The following DEK variants were observed in gnomAD, a reference collection of about 807,000 sequenced individuals.
DEK encodes the protein protein DEK.
Under a neutral mutation model 46.8 loss-of-function variants are expected in DEK, and 28 were observed. The observed-to-expected ratio is 0.60, with a 90% CI of 0.44 to 0.82. The LOEUF is 0.82. DEK is among the 40% of genes least tolerant of loss of function. DEK has a pLI of 0.00. For synonymous variants in DEK, 160 were observed against 144.5 expected, an observed-to-expected ratio of 1.11 and a Z score of -0.77; for missense variants, 416 against 430.6, an observed-to-expected ratio of 0.97 and a Z score of 0.30.
At chr6:18,243,388 T>C (rs1482791716) in intron 7 of DEK, among the ~76,000 whole-genome samples, 4 of 151,608 alleles carry the variant, frequency 2.6e-5, no homozygotes, top group Non-Finnish European at 5.9e-5. Context: ...TTTGAATGAG[T>C]GAGAATAATG....
At chr6:18,252,917 T>C (rs1791450761) in intron 6 of DEK, among the ~76,000 whole-genome samples, 1 of 152,238 alleles carries the variant, frequency 6.6e-6, no homozygotes, top group African/African-American at 2.4e-5. Flanking sequence ...CTTAATAATG[T>C]CCTTGATAAA....
At chr6:18,263,726 A>C in intron 2 of DEK, 117 bp downstream of exon 2, 11 of 1,589,442 alleles carry the variant, frequency 6.9e-6, no homozygotes, top group Non-Finnish European at 9.4e-6. Context: ...CTCGCTGAAA[A>C]TCACTCCGAC....
At chr6:18,244,589 A>G in intron 7 of DEK, 2 of 1,288,688 alleles carry the variant, frequency 1.6e-6, no homozygotes, top group South Asian at 2.5e-5. Flanking sequence ...CTGTCCTCAC[A>G]GCAGAAAGGT....
chr6:18,255,958 T>A, intron 5 of DEK, 107 bp from the exon 6 acceptor site: 1 of 1,301,844 alleles, frequency 7.7e-7, no homozygotes, highest in Non-Finnish European at 1.0e-6. Flanking sequence ...TACATACATT[T>A]AAAAAAGTGG....
intron 7 of DEK, among the ~76,000 whole-genome samples, chr6:18,240,244 T>C (rs1443412641): frequency 1.3e-5 from 2 of 152,188 alleles, no homozygotes; most frequent in Admixed American, 1.3e-4. Context: ...CAAAACCACA[T>C]CTTTCTACAT....
intron 7 of DEK, 35 bp from the exon 8 acceptor site, chr6:18,237,551 T>C (rs779699199): frequency 6.3e-7 from 1 of 1,582,972 alleles, no homozygotes. Flanking sequence ...CACATATTGA[T>C]GAGATTCAAT....
At chr6:18,248,476 A>C (rs1195718759) in intron 7 of DEK, among the ~76,000 whole-genome samples, 1 of 152,200 alleles carries the variant, frequency 6.6e-6, no homozygotes, top group Non-Finnish European at 1.5e-5. Context: ...CCGGATATCC[A>C]ATCCATAAAG....
intron 2 of DEK, among the ~76,000 whole-genome samples, chr6:18,260,978 T>C (rs1314826553): frequency 4.2e-5 from 6 of 143,348 alleles, no homozygotes; most frequent in South Asian, 2.3e-4. Context: ...AAGTGAGACC[T>C]TGTCTCCAAA....
At chr6:18,228,610 A>T (rs1311706122) in intron 9 of DEK, among the ~76,000 whole-genome samples, 1 of 152,192 alleles carries the variant, frequency 6.6e-6, no homozygotes, top group African/African-American at 2.4e-5. Flanking sequence ...GGGTCAGGGA[A>T]TTCCCTTTCC....
chr6:18,241,689 T>C (rs570444013), intron 7 of DEK, among the ~76,000 whole-genome samples: 1 of 152,352 alleles, frequency 6.6e-6, no homozygotes, highest in Admixed American at 6.5e-5. Flanking sequence ...AAGACTTTTC[T>C]TTGAAGTGCC....
At position 18,258,002 on chromosome 6, in the gene DEK, G is replaced by C. The variant is rs200796384; in HGVS notation, c.308C>G (p.Thr103Ser). 440 of 1,607,180 alleles carry C rather than the reference G, an allele frequency of 2.7e-4. No individual in the cohort carries two copies. Among genetic ancestry groups the C allele is most frequent in the Non-Finnish European group, 3.6e-4 (419 of 1,177,076 alleles). The change falls in exon 4 of 11, where the codon ACC becomes AGC. Residue 103 changes from threonine (T) to serine (S), a missense_variant. Physicochemically the swap from Thr to Ser is moderately conservative, Grantham distance 58. Coordinates refer to ENST00000652689, the MANE Select transcript of DEK (RefSeq NM_003472.4). ...TTTGTGTAGATTTCTAAGTTCATCG[G>C]TTTTCTTCTTACTTAGAAAAAAATG... The part of the protein sequence containing the change: ...RIHFFLSKKK[T>S]DELRNLHKLL...
chr6:18,250,857 G>C (rs990857817), intron 6 of DEK, among the ~76,000 whole-genome samples: 1 of 151,842 alleles, frequency 6.6e-6, no homozygotes, highest in Non-Finnish European at 1.5e-5. Flanking sequence ...TGAACTATAC[G>C]GTTTATATTC....
intron 5 of DEK, 72 bp from the exon 6 acceptor site, chr6:18,255,923 G>A (rs1278784354): frequency 1.3e-6 from 2 of 1,506,418 alleles, no homozygotes; most frequent in East Asian, 4.7e-5. Context: ...CAATATAAAG[G>A]GAAAGCCAAC....
At position 18,258,341 on chromosome 6, in the gene DEK, G is replaced by C. The variant is rs756833320; in HGVS notation, c.210C>G (p.Val70=). The C allele has an allele frequency of 6.2e-7, 1 of 1,613,370 alleles. No individual in the cohort carries two copies. Among genetic ancestry groups the C allele is most frequent in the Non-Finnish European group, 8.5e-7 (1 of 1,179,766 alleles). Residue 70 remains valine, a synonymous_variant, in exon 3 of 11, where the codon GTC becomes GTG. Coordinates refer to ENST00000652689, the MANE Select transcript of DEK (RefSeq NM_003472.4). ...KKKVERLTMQ[V]SSLQREPFTI... Reference sequence around the variant, plus strand: ...TAAATGGCTCTCTCTGTAAGGAAGAGACTTGCATTGTCAACCTCTCTACTT... The same window carrying C: ...TAAATGGCTCTCTCTGTAAGGAAGACACTTGCATTGTCAACCTCTCTACTT...
chr6:18,246,746 A>G (rs1260260237), intron 7 of DEK, among the ~76,000 whole-genome samples: 5 of 152,248 alleles, frequency 3.3e-5, no homozygotes, highest in African/African-American at 1.2e-4. Flanking sequence ...TTCTTACTTC[A>G]ACAATGAATA....
chr6:18,227,039 G>C (rs1436910817), intron 9 of DEK, among the ~76,000 whole-genome samples: 1 of 152,148 alleles, frequency 6.6e-6, no homozygotes, highest in Non-Finnish European at 1.5e-5. Flanking sequence ...ACCGCGGAAG[G>C]CTGCAGGGAC....
intron 9 of DEK, among the ~76,000 whole-genome samples, chr6:18,228,022 G>A (rs760674427): frequency 2.6e-5 from 4 of 152,102 alleles, no homozygotes; most frequent in Non-Finnish European, 5.9e-5. Flanking sequence ...AATTTTCTCA[G>A]TCCTGTTATA....
intron 4 of DEK, 148 bp from the exon 5 acceptor site, chr6:18,256,603 G>A: frequency 9.5e-6 from 5 of 528,324 alleles, no homozygotes; most frequent in Non-Finnish European, 1.7e-5. Flanking sequence ...TTCAATATGG[G>A]TTCAATATTC....
rs1790675086 is a variant in DEK, at chr6:18,236,896, A to C, written c.899-296T>G. Among the ~76,000 whole-genome samples, 3 of 152,202 alleles carry C rather than the reference A, an allele frequency of 2.0e-5. No homozygotes were observed. The South Asian group carries it at 6.2e-4, about 32-fold the overall frequency. On this transcript the variant is annotated intron_variant, in intron 8 of 10. Transcript: ENST00000652689. Reference sequence around the variant, plus strand: ...ACCAACATGACACCACCAGGAGGTAATTCCATACCCGACCTCGTGTGACGG... The same window carrying C: ...ACCAACATGACACCACCAGGAGGTACTTCCATACCCGACCTCGTGTGACGG...
Sources: gnomAD v4.1 joint callset for allele counts (sites outside exome capture counted in the v4.1 genomes callset) on GRCh38, gnomAD v4.1.1 for gene constraint, MANE v1.5 for transcripts, NCBI Gene and HGNC (gene_info 2026-07-23, HGNC 2026-07-21) for gene names.